The following GRIK1 variants were observed in gnomAD, a reference collection of about 807,000 sequenced individuals.
The protein encoded by GRIK1 is glutamate ionotropic receptor kainate type subunit 1, also known as glutamate receptor ionotropic, kainate 1.
Under a neutral mutation model 105.7 loss-of-function variants are expected in GRIK1, and 69 were observed. That is an observed-to-expected ratio of 0.65 (90% CI 0.54 to 0.80). The LOEUF (loss-of-function observed/expected upper bound fraction) is 0.80, where lower values mean the gene tolerates loss of function less well. Among genes scored for constraint, GRIK1 ranks in the 30% least tolerant of loss-of-function variants. The pLI is 0.00. For synonymous variants in GRIK1, 438 were observed against 431.3 expected (o/e 1.02, Z -0.19); for missense variants, 1,109 against 1,167.3 (o/e 0.95, Z 0.73).
At chr21:29,851,723 G>T (rs563158520) in intron 1 of GRIK1, among the ~76,000 whole-genome samples, 15 of 151,980 alleles carry the variant, frequency 9.9e-5, no homozygotes, top group African/African-American at 3.6e-4. Flanking sequence ...TCTACCTCAT[G>T]GCCTCAACTC....
At chr21:29,839,259 A>G (rs1192748995) in intron 1 of GRIK1, among the ~76,000 whole-genome samples, 1 of 152,096 alleles carries the variant, frequency 6.6e-6, no homozygotes, top group Non-Finnish European at 1.5e-5. Context: ...TATGTTGGCC[A>G]GGCTTGTCTC....
chr21:29,778,890 T>C (rs1446566180), intron 1 of GRIK1, among the ~76,000 whole-genome samples: 4 of 152,176 alleles, frequency 2.6e-5, no homozygotes, highest in African/African-American at 9.7e-5. Context: ...CCTCTAACAC[T>C]CTTACTCTTA....
chr21:29,636,795 T>C (rs2062406494), intron 7 of GRIK1, among the ~76,000 whole-genome samples: 2 of 152,212 alleles, frequency 1.3e-5, no homozygotes, highest in Non-Finnish European at 2.9e-5. Context: ...AGATAAACTA[T>C]CTGAAACTTC....
At chr21:29,802,894 C>G (rs1449201699) in intron 1 of GRIK1, among the ~76,000 whole-genome samples, 2 of 152,076 alleles carry the variant, frequency 1.3e-5, no homozygotes, top group African/African-American at 2.4e-5. Flanking sequence ...TTGCATGTTC[C>G]TTGAGGGAGG....
intron 1 of GRIK1, among the ~76,000 whole-genome samples, chr21:29,833,919 G>T (rs1276373185): frequency 6.6e-6 from 1 of 152,090 alleles, no homozygotes; most frequent in Non-Finnish European, 1.5e-5. Flanking sequence ...GGCATTTATG[G>T]CAGCCCTGAT....
chr21:29,812,757 G>T (rs570233663), intron 1 of GRIK1, among the ~76,000 whole-genome samples: 67 of 152,282 alleles, frequency 4.4e-4, no homozygotes, highest in African/African-American at 1.4e-3. Context: ...GGCTGGGTCA[G>T]CTCAGAAAAG....
At chr21:29,768,830 C>A (rs1404607957) in intron 1 of GRIK1, among the ~76,000 whole-genome samples, 1 of 152,202 alleles carries the variant, frequency 6.6e-6, no homozygotes, top group African/African-American at 2.4e-5. Context: ...GTGTCTTCTT[C>A]TTTGACTGAA....
intron 1 of GRIK1, among the ~76,000 whole-genome samples, chr21:29,718,682 C>T (rs1481806236): frequency 6.6e-6 from 1 of 152,180 alleles, no homozygotes; most frequent in East Asian, 1.9e-4. Flanking sequence ...GGCAGGTGCA[C>T]AGGAGCCCTT....
intron 1 of GRIK1, among the ~76,000 whole-genome samples, chr21:29,775,298 A>AG (rs1418167966): frequency 2.7e-5 from 4 of 146,712 alleles, no homozygotes; most frequent in African/African-American, 5.1e-5. Context: ...AAAAAAAAAA[A>AG]GTCCACCAAT....
chr21:29,584,347 T>C (rs999084757), intron 12 of GRIK1, among the ~76,000 whole-genome samples: 4 of 152,192 alleles, frequency 2.6e-5, no homozygotes, highest in Admixed American at 6.5e-5. Context: ...AATGTCCATT[T>C]TTAAGAAGAC....
chr21:29,655,897 T>C (rs1444774718), intron 4 of GRIK1, among the ~76,000 whole-genome samples: 2 of 152,168 alleles, frequency 1.3e-5, no homozygotes, highest in Non-Finnish European at 2.9e-5. Flanking sequence ...TTCATTGAAC[T>C]GTGATCTTAC....
intron 4 of GRIK1, among the ~76,000 whole-genome samples, chr21:29,672,435 C>A (rs2063176755): frequency 6.6e-6 from 1 of 152,022 alleles, no homozygotes; most frequent in Non-Finnish European, 1.5e-5. Context: ...TCACAATTTA[C>A]CAAATATTTC....
chr21:29,778,305 A>G (rs1252052707), intron 1 of GRIK1, among the ~76,000 whole-genome samples: 1 of 152,258 alleles, frequency 6.6e-6, no homozygotes, highest in African/African-American at 2.4e-5. Flanking sequence ...ACCAAAGCAC[A>G]GGATAAAGCC....
At chr21:29,714,800 C>T (rs907499054) in intron 1 of GRIK1, among the ~76,000 whole-genome samples, 94 of 152,110 alleles carry the variant, frequency 6.2e-4, no homozygotes, top group African/African-American at 2.2e-3. Context: ...CTTTATAAAT[C>T]AATCAATCTC....
intron 1 of GRIK1, among the ~76,000 whole-genome samples, chr21:29,801,608 A>G (rs967848983): frequency 3.3e-5 from 5 of 152,198 alleles, no homozygotes; most frequent in African/African-American, 1.2e-4. Flanking sequence ...GTTTTACAAG[A>G]AGACAGCATG....
At chr21:29,608,910 A>G (rs1038789620) in intron 7 of GRIK1, among the ~76,000 whole-genome samples, 1 of 152,106 alleles carries the variant, frequency 6.6e-6, no homozygotes, top group Admixed American at 6.6e-5. Flanking sequence ...GTCCAGGAGC[A>G]GAAGACCTTT....
intron 1 of GRIK1, among the ~76,000 whole-genome samples, chr21:29,766,372 G>A (rs1376195988): frequency 2.0e-5 from 3 of 152,120 alleles, no homozygotes; most frequent in African/African-American, 7.2e-5. Flanking sequence ...AGTGGGTAGA[G>A]GCCAGGGTGT....
intron 13 of GRIK1, 35 bp from the exon 14 acceptor site, chr21:29,577,216 A>G (rs1280940741): frequency 8.3e-7 from 1 of 1,199,552 alleles, no homozygotes; most frequent in African/African-American, 1.5e-5. Context: ...GGTGTTAAAC[A>G]CAGTCAGAAG....
At chr21:29,885,815 A>G (rs2069604070) in intron 1 of GRIK1, among the ~76,000 whole-genome samples, 1 of 152,238 alleles carries the variant, frequency 6.6e-6, no homozygotes, top group African/African-American at 2.4e-5. Flanking sequence ...GAATACCTCC[A>G]ATTATCTAAA....
Sources: gnomAD v4.1 joint callset for allele counts (sites outside exome capture counted in the v4.1 genomes callset) on GRCh38, gnomAD v4.1.1 for gene constraint, MANE v1.5 for transcripts, NCBI Gene and HGNC (gene_info 2026-07-23, HGNC 2026-07-21) for gene names.